Variants in PCDH15 observed in about 807,000 individuals in gnomAD.
PCDH15 encodes protocadherin related 15.
A neutral mutation model predicts 178.5 loss-of-function variants in PCDH15; 129 were observed. That is an observed-to-expected ratio of 0.72 (90% CI 0.63 to 0.84). PCDH15 has a LOEUF of 0.84. PCDH15 is among the 40% of genes least tolerant of loss of function. The pLI, the probability that PCDH15 is intolerant of heterozygous loss-of-function variation, is 0.00. For missense variants in PCDH15, 2,230 were observed against 2,099.9 expected (o/e 1.06, Z -1.21); for synonymous variants, 800 against 732.0 (o/e 1.09, Z -1.50).
intron 26 of PCDH15, among the ~76,000 whole-genome samples, chr10:53,872,193 A>C (rs2133227584): frequency 6.6e-6 from 1 of 152,282 alleles, no homozygotes; most frequent in East Asian, 1.9e-4. Flanking sequence ...GTATTCATTG[A>C]GATGACACAT....
chr10:54,557,717 G>T (rs2087488712), intron 2 of PCDH15, among the ~76,000 whole-genome samples: 1 of 152,026 alleles, frequency 6.6e-6, no homozygotes, highest in African/African-American at 2.4e-5. Flanking sequence ...TTTACAGGAG[G>T]AAAGTTTACT....
At chr10:54,922,081 T>A (rs573026338) in intron 2 of PCDH15, among the ~76,000 whole-genome samples, 1 of 152,296 alleles carries the variant, frequency 6.6e-6, no homozygotes, top group African/African-American at 2.4e-5. Flanking sequence ...GGTATTACAA[T>A]TCAACATGAG....
chr10:55,153,526 A>C (rs1326633707), intron 2 of PCDH15, among the ~76,000 whole-genome samples: 2 of 152,184 alleles, frequency 1.3e-5, no homozygotes, highest in Non-Finnish European at 2.9e-5. Flanking sequence ...AATAGAGAGT[A>C]TAGCAGAAGC....
chr10:54,256,519 A>G (rs1385226903), intron 8 of PCDH15, among the ~76,000 whole-genome samples: 1 of 152,176 alleles, frequency 6.6e-6, no homozygotes, highest in Non-Finnish European at 1.5e-5. Context: ...GAACCTATCA[A>G]AAGCTTCAAG....
chr10:54,334,576 G>A (rs1940632310), intron 6 of PCDH15, among the ~76,000 whole-genome samples: 1 of 151,904 alleles, frequency 6.6e-6, no homozygotes, highest in Non-Finnish European at 1.5e-5. Flanking sequence ...TAGGAAAGAG[G>A]GAAAGACTCC....
chr10:54,356,398 T>C (rs563459568), intron 5 of PCDH15, among the ~76,000 whole-genome samples: 1 of 152,076 alleles, frequency 6.6e-6, no homozygotes, highest in East Asian at 1.9e-4. Flanking sequence ...AAACTTGGTT[T>C]TAGGAAATAC....
rs547251213 is a variant in PCDH15, at chr10:54,808,019, T to C, written c.-29+89431A>G. Reference sequence around the variant, plus strand: ...TTTTATAGTTCTTTGGCGTTCCCAGTTTCAACAAATATTAGCCGAGCACCT... The same window carrying C: ...TTTTATAGTTCTTTGGCGTTCCCAGCTTCAACAAATATTAGCCGAGCACCT... On this transcript the variant is annotated intron_variant, in intron 3 of 5. Coordinates refer to the PCDH15 transcript ENST00000458638. 1.1e-4 allele frequency among the ~76,000 whole-genome samples: 17 copies of C among 151,744 alleles called. No homozygotes were observed. In the South Asian group the frequency reaches 3.3e-3, roughly 30 times the overall value.
chr10:55,294,714 T>C (rs1434373516), intron 1 of PCDH15, among the ~76,000 whole-genome samples: 1 of 152,208 alleles, frequency 6.6e-6, no homozygotes, highest in African/African-American at 2.4e-5. Context: ...TATGAACATA[T>C]TGAATAGTCA....
At chr10:54,726,844 T>A (rs1942610654) in intron 1 of PCDH15, among the ~76,000 whole-genome samples, 1 of 146,592 alleles carries the variant, frequency 6.8e-6, no homozygotes, top group Non-Finnish European at 1.5e-5. Context: ...CTCATTCGGA[T>A]TAAAAAGAAG....
Position 53,803,794 on chromosome 10 carries a change from C to T in PCDH15, c.*2785G>A, listed in dbSNP as rs1841005366. The T allele has an allele frequency of 6.6e-6, 1 of 151,990 alleles. No homozygotes were observed. Among genetic ancestry groups the T allele is most frequent in the Admixed American group, 6.6e-5 (1 of 15,236 alleles). 9.4% of individuals were successfully genotyped at this position (151,990 alleles called of 1,614,324 possible). A position where few individuals can be genotyped will look rare whatever the true frequency, so the allele number is the denominator to read the frequency against. Reference sequence around the variant, plus strand: ...CAACGGGTTGCAATATTAGTCATTACATCATTCTGTTCTCACCTCGATTAG... The same window carrying T: ...CAACGGGTTGCAATATTAGTCATTATATCATTCTGTTCTCACCTCGATTAG... On this transcript the variant is annotated 3_prime_UTR_variant, in exon 38 of 38. Coordinates refer to ENST00000644397, the MANE Select transcript of PCDH15 (RefSeq NM_001384140.1).
intron 2 of PCDH15, among the ~76,000 whole-genome samples, chr10:55,046,640 A>C (rs1428902161): frequency 6.6e-6 from 1 of 152,066 alleles, no homozygotes; most frequent in African/African-American, 2.4e-5. Context: ...ATTTCATAAT[A>C]AGTAGCTCCC....
At chr10:54,101,355 T>C (rs1001145206) in intron 15 of PCDH15, among the ~76,000 whole-genome samples, 3 of 152,184 alleles carry the variant, frequency 2.0e-5, no homozygotes, top group Admixed American at 2.0e-4. Context: ...TGGTCAACTA[T>C]ATTGGCAGTG....
chr10:55,081,539 G>A (rs1842042411), intron 2 of PCDH15, among the ~76,000 whole-genome samples: 1 of 152,166 alleles, frequency 6.6e-6, no homozygotes, highest in African/African-American at 2.4e-5. Context: ...TACCATACCA[G>A]TTAGGAGGCA....
intron 8 of PCDH15, among the ~76,000 whole-genome samples, chr10:54,291,775 A>G (rs917063642): frequency 1.1e-4 from 17 of 152,352 alleles, no homozygotes; most frequent in African/African-American, 4.1e-4. Context: ...AACCAGGAAG[A>G]AGTTGAATCT....
chr10:54,899,047 T>C (rs1340842997), intron 2 of PCDH15, among the ~76,000 whole-genome samples: 2 of 152,134 alleles, frequency 1.3e-5, no homozygotes, highest in Non-Finnish European at 2.9e-5. Context: ...AAGCCTGGAA[T>C]TGGAAGCTAT....
chr10:54,998,674 G>A (rs1839711248), intron 2 of PCDH15, among the ~76,000 whole-genome samples: 1 of 151,998 alleles, frequency 6.6e-6, no homozygotes, highest in Admixed American at 6.5e-5. Flanking sequence ...TTTTAATATT[G>A]TTAAGCATGA....
chr10:55,402,737 G>A (rs1838101729), intron 2 of PCDH15, among the ~76,000 whole-genome samples: 1 of 151,904 alleles, frequency 6.6e-6, no homozygotes, highest in Non-Finnish European at 1.5e-5. Context: ...TGGACACTTA[G>A]GTTGATCCCT....
At chr10:53,869,875 T>C (rs1364546096) in intron 26 of PCDH15, among the ~76,000 whole-genome samples, 3 of 152,208 alleles carry the variant, frequency 2.0e-5, no homozygotes, top group South Asian at 2.1e-4. Flanking sequence ...TAATCTAACA[T>C]TGTTGATTAG....
intron 1 of PCDH15, among the ~76,000 whole-genome samples, chr10:55,233,660 G>T (rs1300688683): frequency 5.3e-5 from 8 of 151,858 alleles, no homozygotes; most frequent in Admixed American, 5.2e-4. Flanking sequence ...CCCTAGATAT[G>T]CAAATTATAA....
Sources: gnomAD v4.1 joint callset for allele counts (sites outside exome capture counted in the v4.1 genomes callset) on GRCh38, gnomAD v4.1.1 for gene constraint, MANE v1.5 for transcripts, NCBI Gene and HGNC (gene_info 2026-07-23, HGNC 2026-07-21) for gene names.